IRAG2: variants seen among roughly 807,000 people sequenced by gnomAD.
IRAG2 encodes inositol 1,4,5-triphosphate receptor associated 2, also known as lymphoid restricted membrane protein.
IRAG2 carries 45 observed loss-of-function variants against 69.9 expected under a neutral mutation model. The observed-to-expected ratio is 0.64, with a 90% CI of 0.51 to 0.83. The LOEUF is 0.83. Ranked by LOEUF, IRAG2 falls within the 40% of genes least tolerant of loss-of-function variation. The pLI, the probability that IRAG2 is intolerant of heterozygous loss-of-function variation, is 0.00. For missense variants in IRAG2, 520 were observed against 587.0 expected (o/e 0.89, Z 1.18); for synonymous variants, 193 against 202.4 (o/e 0.95, Z 0.40).
intron 6 of IRAG2, among the ~76,000 whole-genome samples, chr12:25,070,176 TCA>T (rs1447430748): frequency 6.6e-6 from 1 of 152,228 alleles, no homozygotes; most frequent in Non-Finnish European, 1.5e-5. Flanking sequence ...TTCAGTATAT[TCA>T]CAGAGTTGTA....
In IRAG2 at chr12:25,107,920, T is replaced by G. The variant is rs1414201110; in HGVS notation, c.1360T>G (p.Leu454Val). ...SIAFIVLFAA[L>V]MSFLTGQLFQ... ...TGCATTCATTGTACTGTTTGCAGCT[T>G]TGATGAGCTTCCTCACAGGCCAATT... The change falls in exon 22 of 22, where the codon TTG becomes GTG. Residue 454 changes from leucine to valine, a missense_variant. Physicochemically the swap from Leu to Val is conservative, Grantham distance 32. Transcript: ENST00000556887. The G allele has an allele frequency of 2.5e-6, 4 of 1,614,240 alleles. No homozygotes were observed. In the South Asian group the frequency reaches 3.3e-5, roughly 13 times the overall value.
intron 9 of IRAG2, among the ~76,000 whole-genome samples, chr12:25,027,518 C>T (rs1185703325): frequency 6.6e-6 from 1 of 151,766 alleles, no homozygotes; most frequent in Non-Finnish European, 1.5e-5. Flanking sequence ...CCTCAGCCTC[C>T]CGAGTAGCTG....
intron 9 of IRAG2, among the ~76,000 whole-genome samples, chr12:25,080,696 G>A (rs1239414947): frequency 2.0e-5 from 3 of 152,140 alleles, no homozygotes; most frequent in Non-Finnish European, 4.4e-5. Context: ...TTAAGTTTGA[G>A]ATAGAGGTGC....
chr12:24,997,935 A>G, the IRAG2 span, among the ~76,000 whole-genome samples: 2 of 152,236 alleles, frequency 1.3e-5, no homozygotes, highest in Admixed American at 1.3e-4. Context: ...GCAAATCTCA[A>G]ATTGTTTTCA....
chr12:25,090,831 T>C (rs752691527), intron 14 of IRAG2: 5 of 454,674 alleles, frequency 1.1e-5, no homozygotes, highest in Admixed American at 2.4e-5. Flanking sequence ...AAAGGAATCA[T>C]ACAGAAAACT....
chr12:25,035,759 T>G, exon 14 of IRAG2: 1 of 399,022 alleles, frequency 2.5e-6, no homozygotes. Flanking sequence ...CAGAAGGCAG[T>G]GGAATTCACA....
intron 17 of IRAG2, chr12:25,102,534 G>A (rs535046753): frequency 3.9e-4 from 145 of 371,302 alleles, no homozygotes; most frequent in Middle Eastern, 1.6e-3. Flanking sequence ...AGATCCTGAG[G>A]GATCAGCCTC....
At chr12:25,037,084 G>A (rs995451152) in intron 15 of IRAG2, among the ~76,000 whole-genome samples, 1 of 152,104 alleles carries the variant, frequency 6.6e-6, no homozygotes, top group Non-Finnish European at 1.5e-5. Context: ...TCAGGAACTT[G>A]CAGAACATTG....
intron 6 of IRAG2, among the ~76,000 whole-genome samples, chr12:25,074,784 G>A (rs535629386): frequency 1.3e-5 from 2 of 152,278 alleles, no homozygotes; most frequent in South Asian, 2.1e-4. Flanking sequence ...CAAATATTAA[G>A]TGTCTTGTCT....
At position 25,020,241 on chromosome 12, in the gene IRAG2, G is replaced by GT. The variant is rs977325773; in HGVS notation, c.1215-541dup. ...CAGTTTCCTGTTGGTGGATGTTTAG[G>GT]TTTTTTTTCCAATGCTTTGTTATAA... On this transcript the variant is annotated intron_variant, in intron 6 of 38. Coordinates refer to the IRAG2 transcript ENST00000636465. Among the ~76,000 whole-genome samples, 7 of 151,896 alleles carry GT rather than the reference G, an allele frequency of 4.6e-5. No individual in the cohort carries two copies. In the East Asian group the frequency reaches 5.8e-4, roughly 13 times the overall value.
rs141326749 is a variant in IRAG2, at chr12:25,077,264, GAA to G, written c.25-1978_25-1977del. ...TGAAATATATATATGATATATATAT[GAA>G]ATATATATGAAATATATATGATATA... On this transcript the variant is annotated intron_variant, in intron 6 of 21. Coordinates refer to ENST00000556887, the MANE Select transcript of IRAG2 (RefSeq NM_001366544.2). Among the ~76,000 whole-genome samples the G allele has an allele frequency of 5.8e-4, 19 of 33,040 alleles. 2 individuals are homozygous for G. Among genetic ancestry groups the G allele is most frequent in the East Asian group, 2.4e-3 (1 of 418 alleles). The allele number at this position is 33,040 out of a possible 152,430, so 21.7% of individuals were successfully genotyped here. A position where few individuals can be genotyped will look rare whatever the true frequency, so the allele number is the denominator to read the frequency against.
At chr12:25,042,744 C>CGCATT (rs761590096) in intron 16 of IRAG2, among the ~76,000 whole-genome samples, 2 of 151,780 alleles carry the variant, frequency 1.3e-5, no homozygotes, top group Non-Finnish European at 2.9e-5. Flanking sequence ...GGATTATAGG[C>CGCATT]ATGAACCACC....
chr12:25,051,052 C>T (rs1409950044), upstream of IRAG2, among the ~76,000 whole-genome samples: 2 of 152,062 alleles, frequency 1.3e-5, no homozygotes, highest in African/African-American at 2.4e-5. Context: ...ATCTGCTGTA[C>T]AACATTATGC....
chr12:25,101,464 A>T, intron 16 of IRAG2, 139 bp downstream of exon 16: 1 of 616,734 alleles, frequency 1.6e-6, no homozygotes. Context: ...CCTGTTATTT[A>T]TATAGCTAAA....
chr12:25,079,448 C>T lies in IRAG2; in HGVS notation c.122C>T (p.Thr41Ile). The T allele has an allele frequency of 6.2e-7, 1 of 1,612,840 alleles. No homozygotes were observed. Among genetic ancestry groups the T allele is most frequent in the South Asian group, 1.1e-5 (1 of 91,058 alleles). The change falls in exon 8 of 22, where the codon ACT (threonine) becomes ATT (isoleucine). Residue 41 changes from threonine (T) to isoleucine (I), a missense_variant. Coordinates refer to ENST00000556887, the MANE Select transcript of IRAG2 (RefSeq NM_001366544.2). The part of the protein sequence containing the change: ...LPRHTSSTDG[T>I]ITSSDPGLEI... ...AGACACACTTCATCGACAGACGGTA[C>T]TATAACTTCAAGTGGTAAGTGGATT...
rs948722434 is a variant in IRAG2 at position 25,004,604 on chromosome 12, C to T, written c.263C>T (p.Ser88Leu). The change falls in exon 1 of 39, where the codon TCG becomes TTG. Residue 88 changes from serine (S) to leucine (L), a missense_variant. Transcript: ENST00000636465. ...GAGGAAGTCGATGCCTTCATTTCAT[C>T]GCCTCAAATAATATCTCCAAGAACC... 8.1e-6 allele frequency: 10 copies of T among 1,232,066 alleles called. No homozygotes were observed. In the East Asian group the frequency reaches 1.3e-4, roughly 16 times the overall value. 76.3% of individuals were successfully genotyped at this position (1,232,066 alleles called of 1,614,324 possible). A position where few individuals can be genotyped will look rare whatever the true frequency, so the allele number is the denominator to read the frequency against.
At chr12:25,019,113 C>A (rs1439120591) in intron 6 of IRAG2, among the ~76,000 whole-genome samples, 3 of 152,098 alleles carry the variant, frequency 2.0e-5, no homozygotes, top group African/African-American at 7.2e-5. Context: ...GGGGTGAGTG[C>A]CTTTAGGTGC....
chr12:25,065,433 G>C (rs1945916481), intron 4 of IRAG2, among the ~76,000 whole-genome samples: 1 of 152,168 alleles, frequency 6.6e-6, no homozygotes, highest in Non-Finnish European at 1.5e-5. Flanking sequence ...CCTATACTCA[G>C]AAACACACAT....
At chr12:25,011,387 C>T in exon 3 of IRAG2, 1 of 1,231,640 alleles carries the variant, frequency 8.1e-7, no homozygotes, top group Non-Finnish European at 1.0e-6. Context: ...TCGGAGTGGC[C>T]AAAATAATCA....
Sources: allele counts gnomAD v4.1 joint callset (sites outside exome capture counted in the v4.1 genomes callset), GRCh38; gene constraint gnomAD v4.1.1; transcripts MANE v1.5; gene names NCBI Gene and HGNC (gene_info 2026-07-23, HGNC 2026-07-21).